The following ARHGAP24 variants were observed in gnomAD, a reference collection of about 807,000 sequenced individuals.
The protein encoded by ARHGAP24 is Rho GTPase activating protein 24, also known as rho GTPase-activating protein 24.
In ARHGAP24, 50 loss-of-function variants were observed where a neutral mutation model predicts 76.4. The ratio of observed to expected loss-of-function variants is 0.65; its 90% CI spans 0.52 to 0.83. The LOEUF is 0.83. Ranked by LOEUF, ARHGAP24 falls within the 40% of genes least tolerant of loss-of-function variation. The pLI is 0.00. For missense variants in ARHGAP24, 930 were observed against 914.2 expected, an observed-to-expected ratio of 1.02 and a Z score of -0.22; for synonymous variants, 345 against 323.3, an observed-to-expected ratio of 1.07 and a Z score of -0.72.
At chr4:85,766,833 A>G (rs1726947812) in intron 3 of ARHGAP24, among the ~76,000 whole-genome samples, 1 of 151,968 alleles carries the variant, frequency 6.6e-6, no homozygotes, top group South Asian at 2.1e-4. Context: ...TCAAACAAAA[A>G]CTCTCACAAT....
intron 3 of ARHGAP24, among the ~76,000 whole-genome samples, chr4:85,920,820 A>C (rs768818296): frequency 2.0e-5 from 3 of 152,244 alleles, no homozygotes; most frequent in Non-Finnish European, 2.9e-5. Context: ...AACCACAATA[A>C]GATACCATCT....
At chr4:85,931,552 T>C (rs1397149981) in intron 4 of ARHGAP24, among the ~76,000 whole-genome samples, 1 of 152,162 alleles carries the variant, frequency 6.6e-6, no homozygotes. Flanking sequence ...ACCATATTGA[T>C]GAATATTTGC....
intron 2 of ARHGAP24, among the ~76,000 whole-genome samples, chr4:85,669,524 G>A (rs7663051): frequency 0.029 from 4,410 of 151,446 alleles, 198 homozygotes; most frequent in African/African-American, 0.1. Flanking sequence ...AAAAAGGTAC[G>A]TATGTTTGTA....
At chr4:85,736,617 G>A (rs73833409) in intron 3 of ARHGAP24, among the ~76,000 whole-genome samples, 3,048 of 152,248 alleles carry the variant, frequency 0.02, 109 homozygotes, top group African/African-American at 0.069. Context: ...ATCAAGTAGA[G>A]GTGGAATTCT....
intron 3 of ARHGAP24, among the ~76,000 whole-genome samples, chr4:85,724,996 G>C (rs566095534): frequency 6.6e-6 from 1 of 152,266 alleles, no homozygotes; most frequent in African/African-American, 2.4e-5. Flanking sequence ...AATCTTTAAT[G>C]AACAGTTCTT....
chr4:85,678,631 A>G (rs1723084861), intron 2 of ARHGAP24, among the ~76,000 whole-genome samples: 2 of 152,190 alleles, frequency 1.3e-5, no homozygotes, highest in South Asian at 4.1e-4. Flanking sequence ...AGGTTGAAAA[A>G]ATGATCTGTA....
Position 85,762,345 on chromosome 4 carries a change from A to G in ARHGAP24, c.268+40373A>G, listed in dbSNP as rs1263294640. On this transcript the variant is annotated intron_variant, in intron 3 of 9. Coordinates refer to ENST00000395184, the MANE Select transcript of ARHGAP24 (RefSeq NM_001025616.3). ...TGGCTCATGTACAGAAAATCATATGATACTTTTTCTTTGAGAACGAGAAGG... is the reference window on the plus strand; with the variant it reads ...TGGCTCATGTACAGAAAATCATATGGTACTTTTTCTTTGAGAACGAGAAGG... Among the ~76,000 whole-genome samples, 3 of 152,186 alleles carry G rather than the reference A, an allele frequency of 2.0e-5. No individual in the cohort carries two copies. The East Asian group carries it at 5.8e-4, about 29-fold the overall frequency.
At chr4:85,793,854 A>G (rs1728232366) in intron 3 of ARHGAP24, among the ~76,000 whole-genome samples, 1 of 152,212 alleles carries the variant, frequency 6.6e-6, no homozygotes, top group African/African-American at 2.4e-5. Flanking sequence ...CATTGTAAGC[A>G]TAATATAAGA....
At position 85,804,978 on chromosome 4, in the gene ARHGAP24, T is replaced by C. The variant is rs185944825; in HGVS notation, c.268+83006T>C. ...CAATGGCTTCTATTTCTCTTTCCTT[T>C]AATCTCTAGTTATATTAGGTACCAT... On this transcript the variant is annotated intron_variant, in intron 3 of 9. Coordinates refer to ENST00000395184, the MANE Select transcript of ARHGAP24 (RefSeq NM_001025616.3). Among the ~76,000 whole-genome samples the C allele has an allele frequency of 4.2e-3, 633 of 152,300 alleles. 3 individuals carry two copies. The highest frequency in any genetic ancestry group is 0.012 in the South Asian group (57 of 4,830).
chr4:85,930,331 G>A (rs893132628), intron 4 of ARHGAP24: 9 of 986,814 alleles, frequency 9.1e-6, no homozygotes, highest in African/African-American at 1.7e-5. Context: ...AAAGGATGGG[G>A]GGTGCTATAA....
intron 2 of ARHGAP24, among the ~76,000 whole-genome samples, chr4:85,600,211 G>T (rs1184224977): frequency 6.6e-6 from 1 of 152,176 alleles, no homozygotes; most frequent in African/African-American, 2.4e-5. Flanking sequence ...GGTCAGTTTG[G>T]CTGAAGCAGA....
chr4:85,609,516 T>C (rs1720312538), intron 2 of ARHGAP24, among the ~76,000 whole-genome samples: 2 of 152,242 alleles, frequency 1.3e-5, no homozygotes, highest in Admixed American at 1.3e-4. Context: ...CTTTAATATG[T>C]TTTGCATAAT....
chr4:85,860,780 A>G (rs185678290), intron 3 of ARHGAP24, among the ~76,000 whole-genome samples: 154 of 152,138 alleles, frequency 1.0e-3, no homozygotes, highest in African/African-American at 3.7e-3. Flanking sequence ...AAAATGATTC[A>G]TCATAGTCAC....
intron 3 of ARHGAP24, chr4:85,828,083 A>G: frequency 1.2e-6 from 1 of 819,464 alleles, no homozygotes; most frequent in African/African-American, 1.8e-5. Flanking sequence ...TTCAGGACCT[A>G]GACTGTGTGC....
intron 2 of ARHGAP24, among the ~76,000 whole-genome samples, chr4:85,582,295 C>T (rs1435462961): frequency 3.3e-5 from 5 of 152,042 alleles, no homozygotes; most frequent in African/African-American, 1.2e-4. Context: ...GTCATTACCA[C>T]AAATAATGAC....
chr4:85,586,813 G>A (rs1373295560), intron 2 of ARHGAP24, among the ~76,000 whole-genome samples: 4 of 152,144 alleles, frequency 2.6e-5, no homozygotes, highest in African/African-American at 4.8e-5. Context: ...CAGGAGAATC[G>A]CTTGAACCTG....
intron 3 of ARHGAP24, among the ~76,000 whole-genome samples, chr4:85,792,876 T>C (rs570652433): frequency 6.6e-6 from 1 of 152,322 alleles, no homozygotes; most frequent in South Asian, 2.1e-4. Flanking sequence ...GGACTTGTTT[T>C]AACTCCCTGT....
chr4:85,660,794 CAAAAAAAAAA>C (rs34228407), intron 2 of ARHGAP24, among the ~76,000 whole-genome samples: 776 of 59,458 alleles, frequency 0.013, 42 homozygotes, highest in African/African-American at 0.044. Flanking sequence ...GACTCCGTCT[CAAAAAAAAAA>C]AAAAAAAAAA....
At chr4:85,935,984 G>T (rs1578407069) in intron 4 of ARHGAP24, among the ~76,000 whole-genome samples, 1 of 152,160 alleles carries the variant, frequency 6.6e-6, no homozygotes, top group African/African-American at 2.4e-5. Flanking sequence ...TACTTAAAAA[G>T]TTTGTGATAG....
Sources: gnomAD v4.1 joint callset for allele counts (sites outside exome capture counted in the v4.1 genomes callset) on GRCh38, gnomAD v4.1.1 for gene constraint, MANE v1.5 for transcripts, NCBI Gene and HGNC (gene_info 2026-07-23, HGNC 2026-07-21) for gene names.